The following LRMDA variants were observed in gnomAD, a reference collection of about 807,000 sequenced individuals.
LRMDA encodes the protein leucine-rich melanocyte differentiation-associated protein.
A neutral mutation model predicts 29.8 loss-of-function variants in LRMDA; 18 were observed. The ratio of observed to expected loss-of-function variants is 0.60; its 90% CI spans 0.42 to 0.90. The LOEUF (loss-of-function observed/expected upper bound fraction) is 0.90. LRMDA is among the 40% of genes least tolerant of loss of function. LRMDA has a pLI of 0.00. For synonymous variants in LRMDA, 125 were observed against 109.4 expected (o/e 1.14, Z -0.89); for missense variants, 273 against 273.9 (o/e 1.00, Z 0.02).
At chr10:76,348,675 T>C (rs959377035) in intron 6 of LRMDA, among the ~76,000 whole-genome samples, 1 of 152,150 alleles carries the variant, frequency 6.6e-6, no homozygotes, top group Non-Finnish European at 1.5e-5. Flanking sequence ...CTCTCAATGG[T>C]TTCTGAGAAA....
chr10:75,535,206 A>G (rs1234884095), intron 2 of LRMDA, among the ~76,000 whole-genome samples: 1 of 151,750 alleles, frequency 6.6e-6, no homozygotes, highest in Non-Finnish European at 1.5e-5. Context: ...TTTCCATATC[A>G]GGATTGCACT....
intron 2 of LRMDA, among the ~76,000 whole-genome samples, chr10:75,940,626 G>T (rs1032135599): frequency 6.6e-6 from 1 of 152,062 alleles, no homozygotes; most frequent in African/African-American, 2.4e-5. Flanking sequence ...GCCACTCCTT[G>T]CCTGTGAGTT....
intron 2 of LRMDA, among the ~76,000 whole-genome samples, chr10:75,443,562 G>T (rs148271880): frequency 1.1e-4 from 17 of 152,260 alleles, no homozygotes; most frequent in African/African-American, 4.1e-4. Flanking sequence ...AATCCCACTT[G>T]ATGATGGTGC....
At chr10:75,545,902 G>A (rs1475532202) in intron 2 of LRMDA, among the ~76,000 whole-genome samples, 1 of 152,176 alleles carries the variant, frequency 6.6e-6, no homozygotes, top group Non-Finnish European at 1.5e-5. Context: ...ATTCTGGAAG[G>A]TCTTAGGAAG....
chr10:75,467,746 A>G (rs549435360), intron 2 of LRMDA, among the ~76,000 whole-genome samples: 1 of 152,170 alleles, frequency 6.6e-6, no homozygotes, highest in Admixed American at 6.5e-5. Context: ...GCAGATCATG[A>G]GGTCAAGCGA....
intron 2 of LRMDA, among the ~76,000 whole-genome samples, chr10:75,469,473 C>G: frequency 6.6e-6 from 1 of 152,038 alleles, no homozygotes; most frequent in African/African-American, 2.4e-5. Context: ...TCTCCCTTTC[C>G]TTCCCAACCC....
intron 2 of LRMDA, among the ~76,000 whole-genome samples, chr10:75,517,878 A>G (rs9951650): frequency 1.3e-5 from 2 of 152,210 alleles, no homozygotes; most frequent in African/African-American, 4.8e-5. Flanking sequence ...ACCTTCCATC[A>G]ATACCTAGTT....
At chr10:75,449,636 A>G (rs1411419320) in intron 2 of LRMDA, among the ~76,000 whole-genome samples, 3 of 151,764 alleles carry the variant, frequency 2.0e-5, no homozygotes, top group Non-Finnish European at 2.9e-5. Flanking sequence ...AGTCATACGT[A>G]TATAGCATTT....
At chr10:76,190,286 C>A (rs186615578) in intron 5 of LRMDA, among the ~76,000 whole-genome samples, 2,341 of 152,102 alleles carry the variant, frequency 0.015, 60 homozygotes, top group African/African-American at 0.051. Flanking sequence ...TCAAGCTGAA[C>A]AAGAATACGC....
At chr10:76,041,369 A>G (rs1039331265) in intron 3 of LRMDA, among the ~76,000 whole-genome samples, 1 of 152,212 alleles carries the variant, frequency 6.6e-6, no homozygotes, top group African/African-American at 2.4e-5. Context: ...CAGTTTCTTT[A>G]AGATCTGGGT....
At chr10:76,007,029 TGTGCGC>T (rs1353311267) in intron 2 of LRMDA, among the ~76,000 whole-genome samples, 1 of 27,360 alleles carries the variant, frequency 3.7e-5, no homozygotes, top group African/African-American at 8.6e-5. Flanking sequence ...TGTGTGTGTG[TGTGCGC>T]GTGTGTGTTT....
At chr10:76,127,966 AAAC>A (rs1305538212) in intron 5 of LRMDA, among the ~76,000 whole-genome samples, 1 of 152,214 alleles carries the variant, frequency 6.6e-6, no homozygotes, top group Non-Finnish European at 1.5e-5. Flanking sequence ...ACTTAAAAAA[AAAC>A]AACAACAACA....
chr10:76,395,876 T>C (rs149531828), intron 6 of LRMDA, among the ~76,000 whole-genome samples: 162 of 152,402 alleles, frequency 1.1e-3, no homozygotes, highest in African/African-American at 3.6e-3. Flanking sequence ...TTGGCGAGAA[T>C]AGAATATAAA....
intron 2 of LRMDA, among the ~76,000 whole-genome samples, chr10:75,528,861 C>A (rs1239064475): frequency 6.6e-6 from 1 of 152,044 alleles, no homozygotes; most frequent in Non-Finnish European, 1.5e-5. Context: ...TAGCATAGCA[C>A]TGAAACAAGA....
At chr10:76,402,159 G>C (rs1207153737) in intron 6 of LRMDA, 1 of 152,162 alleles carries the variant, frequency 6.6e-6, no homozygotes. Flanking sequence ...AGGTAAAGAG[G>C]TTAGGCCGTT....
intron 2 of LRMDA, among the ~76,000 whole-genome samples, chr10:75,560,298 G>A (rs1840274412): frequency 6.6e-6 from 1 of 151,972 alleles, no homozygotes; most frequent in African/African-American, 2.4e-5. Flanking sequence ...TGAAACAATT[G>A]TGAATGGGAG....
chr10:75,897,879 G>C (rs1169189086), intron 2 of LRMDA, among the ~76,000 whole-genome samples: 1 of 129,758 alleles, frequency 7.7e-6, no homozygotes, highest in African/African-American at 2.9e-5. Context: ...CTGTAGTGCA[G>C]TGGCACAATC....
intron 5 of LRMDA, among the ~76,000 whole-genome samples, chr10:76,173,303 T>G (rs867096092): frequency 7.9e-5 from 12 of 152,172 alleles, no homozygotes; most frequent in Middle Eastern, 3.4e-3. Context: ...TGTTTGTAAT[T>G]AGAGTTCCAA....
chr10:76,506,487 A>G (rs935386354), intron 6 of LRMDA, among the ~76,000 whole-genome samples: 9 of 151,894 alleles, frequency 5.9e-5, no homozygotes, highest in African/African-American at 2.2e-4. Flanking sequence ...AAGATGGTGG[A>G]TCTCCCCTTA....
Sources: allele counts gnomAD v4.1 joint callset (sites outside exome capture counted in the v4.1 genomes callset), GRCh38; gene constraint gnomAD v4.1.1; transcripts MANE v1.5; gene names NCBI Gene and HGNC (gene_info 2026-07-23, HGNC 2026-07-21).